Variants in C8orf88 observed in about 807,000 individuals in gnomAD.
C8orf88 encodes chromosome 8 open reading frame 88.
C8orf88 carries 14 observed loss-of-function variants against 18.4 expected under a neutral mutation model. The observed-to-expected ratio is 0.76, with a 90% CI of 0.50 to 1.19. C8orf88 has a LOEUF of 1.19. Among genes scored for constraint, C8orf88 ranks in the 50% most tolerant of loss-of-function variants. C8orf88 has a pLI of 0.00. For synonymous variants in C8orf88, 45 were observed against 42.9 expected (o/e 1.05, Z -0.19); for missense variants, 116 against 134.7 (o/e 0.86, Z 0.69).
chr8:90,974,260 A>T (rs1811318636), intron 3 of C8orf88, among the ~76,000 whole-genome samples: 1 of 152,188 alleles, frequency 6.6e-6, no homozygotes, highest in Admixed American at 6.6e-5. Context: ...AGTCCCAGAT[A>T]TTAAGAGACT....
chr8:90,972,417 T>TAA (rs72355572), intron 3 of C8orf88, among the ~76,000 whole-genome samples: 1 of 145,478 alleles, frequency 6.9e-6, no homozygotes, highest in African/African-American at 2.5e-5. Flanking sequence ...TTCTAAAAAT[T>TAA]AAAAAAAAAA....
At chr8:90,980,231 T>C (rs1811413153) in intron 2 of C8orf88, 132 bp downstream of exon 2, 1 of 511,016 alleles carries the variant, frequency 2.0e-6, no homozygotes, top group Non-Finnish European at 3.1e-6. Context: ...CCTTCAGTAA[T>C]ACAAACTCTT....
intron 1 of C8orf88, among the ~76,000 whole-genome samples, chr8:90,981,916 GT>G (rs1811440521): frequency 6.6e-6 from 1 of 152,226 alleles, no homozygotes; most frequent in East Asian, 1.9e-4. Context: ...CAAATCATAA[GT>G]CTAAGTGCCT....
Position 90,970,974 on chromosome 8 carries a change from A to G in C8orf88, c.223+92T>C, listed in dbSNP as rs147396352. ...CAAAAAATATATAATAAAATTTCAT[A>G]TAAGTTTGCATCTAAGTGATAAAGT... On this transcript the variant is annotated intron_variant, in intron 4 of 5. Transcript: ENST00000517562. 739 of 649,454 alleles carry G rather than the reference A, an allele frequency of 1.1e-3. 2 individuals are homozygous for G. In the African/African-American group the frequency reaches 0.012, roughly 11 times the overall value. 40.2% of individuals were successfully genotyped at this position (649,454 alleles called of 1,614,324 possible). A position where few individuals can be genotyped will look rare whatever the true frequency, so the allele number is the denominator to read the frequency against.
chr8:90,966,523 A>C (rs546906208), intron 4 of C8orf88, among the ~76,000 whole-genome samples: 68 of 149,436 alleles, frequency 4.6e-4, no homozygotes, highest in African/African-American at 1.5e-3. Flanking sequence ...AATAATAATA[A>C]AGAATTCACC....
chr8:90,958,807 G>T lies in C8orf88; in HGVS notation c.*200C>A. 4.7e-6 allele frequency: 2 copies of T among 422,414 alleles called. No individual in the cohort carries two copies. The highest frequency in any genetic ancestry group is 4.2e-6 in the Non-Finnish European group (1 of 238,910). 26.2% of individuals were successfully genotyped at this position (422,414 alleles called of 1,614,324 possible). ...TTTCCAGTGTTACTTCCCAATTTAT[G>T]CAGGAAACCTCCTGCAAAGCTGAAA... On this transcript the variant is annotated 3_prime_UTR_variant, in exon 6 of 6. Coordinates refer to ENST00000517562, the MANE Select transcript of C8orf88 (RefSeq NM_001190972.2).
rs1037437103 is a variant in C8orf88, at chr8:90,967,789, T to C, written c.223+3277A>G. Among the ~76,000 whole-genome samples the C allele has an allele frequency of 2.6e-5, 4 of 151,882 alleles. No homozygotes were observed. In the East Asian group the frequency reaches 7.7e-4, roughly 29 times the overall value. ...CCCCATGAAATAAATTTATTTTATATATGATCAATGAATAATAAAAAGATT... is the reference window on the plus strand; with the variant it reads ...CCCCATGAAATAAATTTATTTTATACATGATCAATGAATAATAAAAAGATT... On this transcript the variant is annotated intron_variant, in intron 4 of 5. Transcript: ENST00000517562.
At chr8:90,976,233 C>A (rs927915396) in intron 3 of C8orf88, among the ~76,000 whole-genome samples, 1 of 151,910 alleles carries the variant, frequency 6.6e-6, no homozygotes, top group Non-Finnish European at 1.5e-5. Flanking sequence ...ATAAATATTT[C>A]TCAAAAGTCA....
chr8:90,975,424 C>T (rs1218076132), intron 3 of C8orf88, among the ~76,000 whole-genome samples: 1 of 151,724 alleles, frequency 6.6e-6, no homozygotes, highest in Non-Finnish European at 1.5e-5. Flanking sequence ...AATAAAAGGA[C>T]AAACAACCCA....
intron 5 of C8orf88, among the ~76,000 whole-genome samples, chr8:90,960,484 C>G (rs1811109927): frequency 6.6e-6 from 1 of 151,178 alleles, no homozygotes; most frequent in South Asian, 2.1e-4. Context: ...AAAAATAAAA[C>G]TTTTAGAGTA....
chr8:90,970,936 G>A (rs943846434), intron 4 of C8orf88, 130 bp downstream of exon 4: 76 of 529,108 alleles, frequency 1.4e-4, no homozygotes, highest in Non-Finnish European at 2.3e-4. Flanking sequence ...GACTCATATA[G>A]ATAGAAATCA....
intron 2 of C8orf88, among the ~76,000 whole-genome samples, chr8:90,979,858 A>C (rs1164071940): frequency 6.6e-6 from 1 of 152,246 alleles, no homozygotes; most frequent in Non-Finnish European, 1.5e-5. Context: ...TGTTTAAAAT[A>C]GATATTTTGA....
At chr8:90,961,513 A>G (rs1014058490) in intron 4 of C8orf88, among the ~76,000 whole-genome samples, 2 of 151,272 alleles carry the variant, frequency 1.3e-5, no homozygotes, top group African/African-American at 4.8e-5. Flanking sequence ...GGGGGAAAAA[A>G]CCCTCAGAAA....
At chr8:90,974,787 G>GA (rs201040675) in intron 3 of C8orf88, among the ~76,000 whole-genome samples, 214 of 151,374 alleles carry the variant, frequency 1.4e-3, no homozygotes, top group Admixed American at 3.4e-3. Flanking sequence ...AACACAGAAA[G>GA]AAAAAAAACA....
At chr8:90,981,145 A>G (rs1318927337) in intron 1 of C8orf88, among the ~76,000 whole-genome samples, 4 of 152,144 alleles carry the variant, frequency 2.6e-5, no homozygotes, top group African/African-American at 9.7e-5. Context: ...CAATTTATAT[A>G]TTATCACAGG....
chr8:90,979,892 C>T (rs531729333), intron 2 of C8orf88, among the ~76,000 whole-genome samples: 3 of 152,278 alleles, frequency 2.0e-5, no homozygotes, highest in South Asian at 2.1e-4. Flanking sequence ...CTAGTTCAAA[C>T]ACAGCCATAA....
intron 1 of C8orf88, among the ~76,000 whole-genome samples, chr8:90,982,800 C>A (rs1157755942): frequency 1.3e-5 from 2 of 151,938 alleles, no homozygotes; most frequent in African/African-American, 4.8e-5. Context: ...CAGGGAAACA[C>A]TGACATTATA....
At chr8:90,961,802 T>C (rs1280043923) in intron 4 of C8orf88, among the ~76,000 whole-genome samples, 1 of 151,668 alleles carries the variant, frequency 6.6e-6, no homozygotes, top group South Asian at 2.1e-4. Context: ...GGTGTGGCTA[T>C]GTTTCAATAC....
At chr8:90,976,636 CAGAAT>C (rs1448422958) in intron 3 of C8orf88, among the ~76,000 whole-genome samples, 4 of 151,926 alleles carry the variant, frequency 2.6e-5, no homozygotes, top group South Asian at 2.1e-4. Context: ...ATCACTAGAA[CAGAAT>C]AAAGAGCCCA....
Sources: allele counts gnomAD v4.1 joint callset (sites outside exome capture counted in the v4.1 genomes callset), GRCh38; gene constraint gnomAD v4.1.1; transcripts MANE v1.5; gene names NCBI Gene and HGNC (gene_info 2026-07-23, HGNC 2026-07-21).